Variants in PIGL observed in about 807,000 individuals in gnomAD.
PIGL encodes N-acetylglucosaminyl-phosphatidylinositol de-N-acetylase.
In PIGL, 22 loss-of-function variants were observed where a neutral mutation model predicts 31.1. That is an observed-to-expected ratio of 0.71 (90% CI 0.51 to 1.01). PIGL has a LOEUF of 1.01. PIGL is among the 50% of genes least tolerant of loss of function. The pLI, the probability that PIGL is intolerant of heterozygous loss-of-function variation, is 0.00. For missense variants in PIGL, 302 were observed against 315.9 expected, an observed-to-expected ratio of 0.96 and a Z score of 0.33; for synonymous variants, 131 against 117.4, an observed-to-expected ratio of 1.12 and a Z score of -0.75.
intron 2 of PIGL, among the ~76,000 whole-genome samples, chr17:16,295,602 T>C (rs1343195530): frequency 2.0e-5 from 3 of 151,844 alleles, no homozygotes; most frequent in African/African-American, 7.3e-5. Flanking sequence ...GCTGTGATTG[T>C]ACCACCGCAT....
chr17:16,266,260 A>G (rs1315910837), intron 2 of PIGL, among the ~76,000 whole-genome samples: 1 of 151,698 alleles, frequency 6.6e-6, no homozygotes, highest in African/African-American at 2.4e-5. Flanking sequence ...ACAAAAATAC[A>G]AAAATTAGCC....
chr17:16,279,617 G>A (rs923280756), intron 2 of PIGL: 3 of 152,060 alleles, frequency 2.0e-5, no homozygotes, highest in Non-Finnish European at 2.9e-5. Context: ...TCTTCCTATT[G>A]TACCTAAACT....
intron 3 of PIGL, among the ~76,000 whole-genome samples, chr17:16,305,668 AG>A (rs1203413303): frequency 3.9e-5 from 6 of 152,166 alleles, no homozygotes. Context: ...CCACTAACCA[AG>A]GGACTGCCTG....
At chr17:16,252,065 C>CCTTTTTTTTTTTTT (rs2092774422) in intron 2 of PIGL, among the ~76,000 whole-genome samples, 1 of 125,188 alleles carries the variant, frequency 8.0e-6, no homozygotes, top group African/African-American at 2.7e-5. Flanking sequence ...ATTTTTTTTT[C>CCTTTTTTTTTTTTT]CTTTTTTTTT....
At chr17:16,323,445 G>T (rs920431091) in intron 6 of PIGL, among the ~76,000 whole-genome samples, 1 of 151,940 alleles carries the variant, frequency 6.6e-6, no homozygotes, top group East Asian at 1.9e-4. Context: ...TGTTGGTCAG[G>T]CTGGTCTCGA....
chr17:16,246,459 C>T (rs1048595175), intron 2 of PIGL, among the ~76,000 whole-genome samples: 2 of 151,038 alleles, frequency 1.3e-5, no homozygotes, highest in African/African-American at 4.9e-5. Flanking sequence ...TTGCACTGAG[C>T]CGAGATTGCA....
intron 1 of PIGL, among the ~76,000 whole-genome samples, chr17:16,219,388 G>A (rs1330648319): frequency 6.6e-6 from 1 of 151,682 alleles, no homozygotes; most frequent in East Asian, 1.9e-4. Flanking sequence ...AATTTGTTTA[G>A]TATCTTCTCC....
intron 3 of PIGL, among the ~76,000 whole-genome samples, chr17:16,307,569 G>C (rs1042960809): frequency 2.0e-5 from 3 of 152,190 alleles, no homozygotes; most frequent in African/African-American, 7.2e-5. Flanking sequence ...ATTGCATATA[G>C]TTCTGTCATC....
In PIGL at chr17:16,297,973, G is replaced by A. The variant is rs142546485; in HGVS notation, c.336-1915G>A. The stretch of plus-strand genomic sequence containing the variant: ...CTCTGCCTCCTGTCAGATCAGCAGT[G>A]GAATTAGATTCTCATAGGACTGCAA... On this transcript the variant is annotated intron_variant, in intron 2 of 6. Transcript: ENST00000225609. Among the ~76,000 whole-genome samples, 28 of 152,220 alleles carry A rather than the reference G, an allele frequency of 1.8e-4. No individual in the cohort carries two copies. In the East Asian group the frequency reaches 3.5e-3, roughly 19 times the overall value.
chr17:16,316,837 G>A (rs752424471), intron 5 of PIGL, 125 bp downstream of exon 5: 15 of 1,509,974 alleles, frequency 9.9e-6, no homozygotes, highest in Middle Eastern at 2.1e-4. Context: ...TGGGGAGGCC[G>A]CCACACTCTT....
At chr17:16,311,723 C>A (rs1275044192) in intron 3 of PIGL, among the ~76,000 whole-genome samples, 1 of 151,056 alleles carries the variant, frequency 6.6e-6, no homozygotes, top group Non-Finnish European at 1.5e-5. Flanking sequence ...CGCCCTTAAT[C>A]CATTTAACCC....
intron 5 of PIGL, 56 bp downstream of exon 5, chr17:16,316,768 A>T (rs2093079072): frequency 1.9e-6 from 3 of 1,600,324 alleles, no homozygotes; most frequent in Non-Finnish European, 2.6e-6. Flanking sequence ...TGAGAAACTT[A>T]TGAGGGGGAA....
intron 2 of PIGL, among the ~76,000 whole-genome samples, chr17:16,252,903 A>G (rs2092778650): frequency 6.6e-6 from 1 of 152,148 alleles, no homozygotes; most frequent in South Asian, 2.1e-4. Context: ...GGGAGTCAGA[A>G]AAGAACTGTT....
At chr17:16,230,030 T>G (rs2092672007) in intron 1 of PIGL, among the ~76,000 whole-genome samples, 1 of 151,928 alleles carries the variant, frequency 6.6e-6, no homozygotes, top group Admixed American at 6.6e-5. Flanking sequence ...GCCCAGCTAA[T>G]TATTGTATTT....
chr17:16,275,033 A>G (rs1044158165), intron 2 of PIGL, among the ~76,000 whole-genome samples: 8 of 148,884 alleles, frequency 5.4e-5, no homozygotes, highest in African/African-American at 1.2e-4. Flanking sequence ...CTCCGTCTCA[A>G]AAAAAAAAAA....
chr17:16,262,508 G>A (rs540847936), intron 2 of PIGL, among the ~76,000 whole-genome samples: 16 of 152,160 alleles, frequency 1.1e-4, no homozygotes, highest in South Asian at 4.2e-4. Flanking sequence ...AAAACAGTTC[G>A]GCGGTTCCTC....
intron 3 of PIGL, among the ~76,000 whole-genome samples, chr17:16,308,543 T>G (rs963620490): frequency 6.6e-6 from 1 of 152,134 alleles, no homozygotes; most frequent in East Asian, 1.9e-4. Context: ...ACTTAGTCCC[T>G]GCTCCCATAG....
chr17:16,244,121 G>A (rs1348970432), intron 2 of PIGL, among the ~76,000 whole-genome samples: 5 of 152,176 alleles, frequency 3.3e-5, no homozygotes, highest in African/African-American at 7.2e-5. Flanking sequence ...CTCAAGCACT[G>A]ATCTTAGCAG....
chr17:16,312,123 C>T (rs2093054011), intron 3 of PIGL, among the ~76,000 whole-genome samples: 1 of 144,908 alleles, frequency 6.9e-6, no homozygotes, highest in Non-Finnish European at 1.5e-5. Flanking sequence ...GGCGGCTGGC[C>T]GGGCGGGGGC....
Sources: allele counts gnomAD v4.1 joint callset (sites outside exome capture counted in the v4.1 genomes callset), GRCh38; gene constraint gnomAD v4.1.1; transcripts MANE v1.5; gene names NCBI Gene and HGNC (gene_info 2026-07-23, HGNC 2026-07-21).